The following DST variants were observed in gnomAD, a reference collection of about 807,000 sequenced individuals.
DST encodes the protein dystonin, also known as bullous pemphigoid antigen.
DST carries 253 observed loss-of-function variants against 875.2 expected under a neutral mutation model. The observed-to-expected ratio is 0.29, with a 90% CI of 0.26 to 0.32. The LOEUF is 0.32. DST is among the 10% of genes least tolerant of loss of function. The probability of loss-of-function intolerance (pLI) is 1.00; values close to 1 mark genes in which losing one functional copy is unlikely to be tolerated. For missense variants in DST, 8,287 were observed against 9,111.6 expected, an observed-to-expected ratio of 0.91 and a Z score of 3.68; for synonymous variants, 3,124 against 3,197.1, an observed-to-expected ratio of 0.98 and a Z score of 0.77.
At chr6:56,683,038 T>C (rs1489051148) in intron 9 of DST, among the ~76,000 whole-genome samples, 1 of 152,222 alleles carries the variant, frequency 6.6e-6, no homozygotes, top group East Asian at 1.9e-4. Flanking sequence ...ATTAAGTTAG[T>C]ACAAAAGTAT....
chr6:56,915,938 A>T (rs1562389766), intron 2 of DST, among the ~76,000 whole-genome samples: 1 of 152,244 alleles, frequency 6.6e-6, no homozygotes, highest in Non-Finnish European at 1.5e-5. Context: ...ATGTAATCCT[A>T]ACACCTTCTT....
chr6:56,947,292 C>T (rs1820069399), intron 2 of DST, among the ~76,000 whole-genome samples: 1 of 147,044 alleles, frequency 6.8e-6, no homozygotes. Context: ...TGCTCTTTCA[C>T]CAGGCTGGAG....
intron 2 of DST, among the ~76,000 whole-genome samples, chr6:56,931,102 C>T (rs184234475): frequency 3.3e-5 from 5 of 152,214 alleles, no homozygotes; most frequent in Admixed American, 3.3e-4. Flanking sequence ...TAGCTGCATT[C>T]CTCAGTAAAG....
chr6:56,659,405 C>T (rs1222946594), intron 10 of DST, among the ~76,000 whole-genome samples: 1 of 151,978 alleles, frequency 6.6e-6, no homozygotes, highest in Non-Finnish European at 1.5e-5. Context: ...CAGGAGCAGA[C>T]AAGAAGTGGG....
intron 49 of DST, among the ~76,000 whole-genome samples, chr6:56,580,268 C>A (rs1278215336): frequency 6.6e-6 from 1 of 152,146 alleles, no homozygotes; most frequent in Non-Finnish European, 1.5e-5. Context: ...GTATTTCCAG[C>A]TGGTGCGGTG....
intron 2 of DST, among the ~76,000 whole-genome samples, chr6:56,918,459 C>T (rs138462272): frequency 6.4e-4 from 98 of 152,226 alleles, no homozygotes; most frequent in African/African-American, 2.2e-3. Context: ...AGTTTATGCA[C>T]GTACCATACT....
intron 87 of DST, among the ~76,000 whole-genome samples, 161 bp from the exon 88 acceptor site, chr6:56,485,632 A>C (rs1021604601): frequency 6.6e-6 from 1 of 152,232 alleles, no homozygotes; most frequent in Non-Finnish European, 1.5e-5. Flanking sequence ...AAAAGACAAA[A>C]CTTTTCTAAA....
intron 4 of DST, among the ~76,000 whole-genome samples, chr6:56,818,870 C>T (rs949406731): frequency 1.1e-4 from 16 of 152,144 alleles, no homozygotes; most frequent in African/African-American, 3.9e-4. Flanking sequence ...CCCCCGCCAA[C>T]TGCTTTTTCC....
intron 9 of DST, chr6:56,693,013 C>T (rs1016308186): frequency 7.8e-7 from 1 of 1,289,636 alleles, no homozygotes; most frequent in African/African-American, 1.5e-5. Context: ...CTCTTTGTCA[C>T]CTCCAGTTTT....
At chr6:56,484,522 A>T (rs2152426014) in intron 88 of DST, 1 of 152,304 alleles carries the variant, frequency 6.6e-6, no homozygotes. Flanking sequence ...CTGAACTCAG[A>T]TACTAGAGAG....
chr6:56,640,846 T>C (rs764449508), intron 17 of DST, among the ~76,000 whole-genome samples: 1 of 152,048 alleles, frequency 6.6e-6, no homozygotes, highest in African/African-American at 2.4e-5. Flanking sequence ...GGCTCAAAAA[T>C]ACAAACAAGC....
Position 56,477,584 on chromosome 6 carries a change from C to T in DST, c.21532-96G>A. On this transcript the variant is annotated intron_variant, in intron 90 of 103. Coordinates refer to ENST00000680361, the MANE Select transcript of DST (RefSeq NM_001374736.1). ...TGACTGCCAGAATTAAACAAATAAA[C>T]AAAAACTTCAATTGGTTTATTCACA... 2.0e-6 allele frequency: 3 copies of T among 1,474,652 alleles called. 1 individual carries two copies. In the South Asian group the frequency reaches 3.7e-5, roughly 18 times the overall value. The allele number at this position is 1,474,652 out of a possible 1,614,324, so 91.3% of individuals were successfully genotyped here.
intron 7 of DST, among the ~76,000 whole-genome samples, 154 bp downstream of exon 7, chr6:56,703,494 T>C (rs1025218381): frequency 6.6e-6 from 1 of 152,192 alleles, no homozygotes; most frequent in Non-Finnish European, 1.5e-5. Context: ...CTTTATCCAA[T>C]TTTTTGGTAC....
intron 5 of DST, among the ~76,000 whole-genome samples, chr6:56,716,336 G>A (rs1375512731): frequency 6.6e-6 from 1 of 152,122 alleles, no homozygotes; most frequent in Non-Finnish European, 1.5e-5. Flanking sequence ...AATGATGCTG[G>A]GAAACTGAAT....
intron 5 of DST, among the ~76,000 whole-genome samples, chr6:56,732,126 A>G (rs1026816843): frequency 1.3e-5 from 2 of 152,256 alleles, no homozygotes; most frequent in Non-Finnish European, 2.9e-5. Context: ...AGTGCTAGTT[A>G]ATTCTTCACT....
Position 56,593,863 on chromosome 6 carries a change from TC to T in DST, c.12525del (p.Arg4176GlyfsTer16). 6.2e-7 allele frequency: 1 copy of T among 1,613,962 alleles called. No individual in the cohort carries two copies. The highest frequency in any genetic ancestry group is 8.5e-7 in the Non-Finnish European group (1 of 1,179,868). On this transcript the variant is annotated frameshift_variant, in exon 48 of 104. Transcript: ENST00000680361. LOFTEE classifies it high-confidence loss of function. ...DDINGLMTKLKRQKSFSEDVI... is the reference protein window; with the variant it reads ...DDINGLMTKLXRQKSFSEDVI... The stretch of plus-strand genomic sequence containing the variant: ...ACGTCTTCTGAGAAACTCTTCTGCC[TC>T]TTCAATTTGGTCATTAAACCATTGA...
At position 56,529,650 on chromosome 6, in the gene DST, G is replaced by A. The variant is rs1308025015; in HGVS notation, c.17393C>T (p.Ser5798Phe). ...KDMVQSKLDF[S>F]QVWYIEIQEK... ...TTGAATCTCAATGTACCATACTTGA[G>A]AGAAGTCTAATTTACTCTGCACCAT... Residue 5798 changes from serine (S) to phenylalanine (F), a missense_variant, in exon 66 of 104, where the codon TCT (serine) becomes TTT (phenylalanine). Coordinates refer to ENST00000680361, the MANE Select transcript of DST (RefSeq NM_001374736.1). The A allele has an allele frequency of 1.9e-6, 3 of 1,613,688 alleles. No individual in the cohort carries two copies. The Admixed American group carries it at 5.0e-5, about 27-fold the overall frequency.
intron 9 of DST, among the ~76,000 whole-genome samples, chr6:56,684,299 A>AT (rs1325040490): frequency 5.3e-5 from 8 of 152,258 alleles, no homozygotes; most frequent in Non-Finnish European, 1.0e-4. Context: ...AAATAATGCA[A>AT]TTTTTATTTT....
rs752199697 is a variant in DST at position 56,529,472 on chromosome 6, T to C, written c.17571A>G (p.Leu5857=). The change falls in exon 66 of 104, where the codon CTA becomes CTG. Residue 5857 remains leucine, a synonymous_variant. Coordinates refer to ENST00000680361, the MANE Select transcript of DST (RefSeq NM_001374736.1). ...CCCGAAGTTCAGACTGCTGCTTCCA[T>C]AGCCCCTCAGTGCTGTAATCCTGGA... is the stretch of plus-strand genomic sequence containing the variant. ...LSVQDYSTEG[L]WKQQSELRVL... is the part of the protein sequence containing the mutation. 4 of 1,521,700 alleles carry C rather than the reference T, an allele frequency of 2.6e-6. No homozygotes were observed. Among genetic ancestry groups the C allele is most frequent in the Non-Finnish European group, 3.5e-6 (4 of 1,133,894 alleles). 94.3% of individuals were successfully genotyped at this position (1,521,700 alleles called of 1,614,324 possible). A position where few individuals can be genotyped will look rare whatever the true frequency, so the allele number is the denominator to read the frequency against.
Sources: gnomAD v4.1 joint callset for allele counts (sites outside exome capture counted in the v4.1 genomes callset) on GRCh38, gnomAD v4.1.1 for gene constraint, MANE v1.5 for transcripts, NCBI Gene and HGNC (gene_info 2026-07-23, HGNC 2026-07-21) for gene names.